Variants in ANKRD36C observed in about 807,000 individuals in gnomAD.
The protein encoded by ANKRD36C is ankyrin repeat domain 36C.
Under a neutral mutation model 276.4 loss-of-function variants are expected in ANKRD36C, and 61 were observed. The ratio of observed to expected loss-of-function variants is 0.22; its 90% CI spans 0.18 to 0.27. The LOEUF is 0.27. Ranked by LOEUF, ANKRD36C falls within the 10% of genes least tolerant of loss-of-function variation. The pLI is 1.00. For synonymous variants in ANKRD36C, 483 were observed against 680.1 expected (o/e 0.71, Z 4.51); for missense variants, 1,447 against 2,032.3 (o/e 0.71, Z 5.54).
intron 60 of ANKRD36C, among the ~76,000 whole-genome samples, chr2:95,862,189 G>A (rs1037875122): frequency 6.6e-6 from 1 of 151,966 alleles, no homozygotes; most frequent in Non-Finnish European, 1.5e-5. Flanking sequence ...AGAACAAGAA[G>A]GCAGAAAATC....
chr2:95,923,541 A>G (rs1433208227), exon 32 of ANKRD36C: 1 of 1,610,972 alleles, frequency 6.2e-7, no homozygotes, highest in Non-Finnish European at 8.5e-7. Context: ...CTATATTCAA[A>G]GCAGAATCTG....
chr2:95,879,292 A>G lies in ANKRD36C; in HGVS notation c.3469+1135T>C, dbSNP rs557047697. Among the ~76,000 whole-genome samples, 73 of 152,286 alleles carry G rather than the reference A, an allele frequency of 4.8e-4. No individual in the cohort carries two copies. The South Asian group carries it at 0.015, about 31-fold the overall frequency. On this transcript the variant is annotated intron_variant, in intron 58 of 66. Transcript: ENST00000456556. ...GATGAAGAGAAAAATCACCATTACC[A>G]CAGTCTAGGAAGGGTGTGGGGGTGG...
chr2:95,860,429 T>C (rs1405133684), intron 60 of ANKRD36C, among the ~76,000 whole-genome samples: 1 of 151,662 alleles, frequency 6.6e-6, no homozygotes, highest in Non-Finnish European at 1.5e-5. Context: ...AAATGAAGGA[T>C]GAAAAAGAAG....
intron 1 of ANKRD36C, among the ~76,000 whole-genome samples, chr2:95,990,910 A>G (rs1255473228): frequency 6.6e-6 from 1 of 152,212 alleles, no homozygotes; most frequent in Non-Finnish European, 1.5e-5. Flanking sequence ...AACGCTGTAC[A>G]TGCTGAATTT....
In ANKRD36C at chr2:95,919,705, A is replaced by G. The variant is rs545571367; in HGVS notation, c.2246-1663T>C. Reference sequence around the variant, plus strand: ...AAGTTCTTTTTTATCTGGATTGAACATGACATTGAATGTGTTTTGCAAATT... The same window carrying G: ...AAGTTCTTTTTTATCTGGATTGAACGTGACATTGAATGTGTTTTGCAAATT... On this transcript the variant is annotated intron_variant, in intron 34 of 66. Transcript: ENST00000456556. 1.2e-4 allele frequency: 102 copies of G among 850,448 alleles called. 23 individuals carry two copies. The highest frequency in any genetic ancestry group is 5.3e-4 in the Middle Eastern group (1 of 1,882). 52.7% of individuals were successfully genotyped at this position (850,448 alleles called of 1,614,324 possible). A position where few individuals can be genotyped will look rare whatever the true frequency, so the allele number is the denominator to read the frequency against.
intron 8 of ANKRD36C, among the ~76,000 whole-genome samples, chr2:95,961,557 G>C (rs1387288774): frequency 1.3e-5 from 2 of 151,984 alleles, no homozygotes; most frequent in South Asian, 2.1e-4. Context: ...ATTCTCTAAA[G>C]TATTTTCATT....
At chr2:95,954,675 T>A (rs529210217) in intron 13 of ANKRD36C, among the ~76,000 whole-genome samples, 1 of 152,166 alleles carries the variant, frequency 6.6e-6, no homozygotes, top group African/African-American at 2.4e-5. Context: ...ATTAAAACAT[T>A]AAAAATTTTA....
chr2:95,947,944 T>C (rs1678097344), intron 17 of ANKRD36C, among the ~76,000 whole-genome samples: 1 of 152,128 alleles, frequency 6.6e-6, no homozygotes, highest in African/African-American at 2.4e-5. Flanking sequence ...CATGATACCA[T>C]GTCTAGTTAA....
intron 19 of ANKRD36C, among the ~76,000 whole-genome samples, chr2:95,944,314 T>C (rs1312572274): frequency 6.6e-6 from 1 of 152,190 alleles, no homozygotes; most frequent in Non-Finnish European, 1.5e-5. Flanking sequence ...TCTACTTCTT[T>C]CCTTCCCTAA....
At chr2:95,918,277 C>T (rs1263700102) in intron 34 of ANKRD36C, among the ~76,000 whole-genome samples, 1 of 151,510 alleles carries the variant, frequency 6.6e-6, no homozygotes, top group Non-Finnish European at 1.5e-5. Flanking sequence ...CGTCATACGT[C>T]GAAAACTAAA....
At chr2:95,910,167 T>G (rs1252878815) in intron 42 of ANKRD36C, among the ~76,000 whole-genome samples, 1 of 151,216 alleles carries the variant, frequency 6.6e-6, no homozygotes, top group Non-Finnish European at 1.5e-5. Context: ...CCAACTTCAA[T>G]GTGGGGAACT....
intron 56 of ANKRD36C, among the ~76,000 whole-genome samples, chr2:95,881,702 C>T (rs927245850): frequency 6.6e-6 from 1 of 151,886 alleles, no homozygotes; most frequent in Non-Finnish European, 1.5e-5. Context: ...TTGGAGCAGC[C>T]AGAAATCAGA....
chr2:95,916,125 A>C lies in ANKRD36C; in HGVS notation c.2376+18T>G, dbSNP rs376191285. The C allele has an allele frequency of 3.7e-6, 6 of 1,603,924 alleles. No individual in the cohort carries two copies. Among genetic ancestry groups the C allele is most frequent in the Non-Finnish European group, 5.1e-6 (6 of 1,177,174 alleles). On this transcript the variant is annotated intron_variant, in intron 37 of 66. Transcript: ENST00000456556. ...CTATACGTTTACTAGCTCACAATAT[A>C]AATGAGAGTTTCATTACCTTCAAGG...
At chr2:95,933,334 T>C (rs1473987751) in intron 24 of ANKRD36C, among the ~76,000 whole-genome samples, 3 of 151,118 alleles carry the variant, frequency 2.0e-5, no homozygotes, top group Admixed American at 6.6e-5. Flanking sequence ...TCAATGGTAG[T>C]CTATAGCATT....
intron 50 of ANKRD36C, 92 bp downstream of exon 70, chr2:95,887,833 G>A: frequency 6.8e-7 from 1 of 1,471,742 alleles, no homozygotes; most frequent in East Asian, 2.5e-5. Flanking sequence ...AGAATGTGCA[G>A]TTTTGATGAG....
At chr2:95,856,262 G>A (rs990445452) in intron 62 of ANKRD36C, 82 bp from the exon 83 acceptor site, 72 of 1,583,818 alleles carry the variant, frequency 4.5e-5, no homozygotes, top group South Asian at 2.5e-4. Context: ...ATAATAACCC[G>A]AACATTTATA....
rs556392568 is a variant in ANKRD36C at position 95,930,468 on chromosome 2, T to C, written c.1736-1201A>G. 2.7e-4 allele frequency among the ~76,000 whole-genome samples: 41 copies of C among 151,828 alleles called. No homozygotes were observed. The South Asian group carries it at 8.3e-3, about 31-fold the overall frequency. On this transcript the variant is annotated intron_variant, in intron 24 of 66. Coordinates refer to ENST00000456556, the Ensembl canonical transcript of ANKRD36C. ...TTTTATTTATACTCATGAAGACTCC[T>C]GATGTTTCTACATTTCCTGGATTCA...
At chr2:95,895,737 A>G in intron 44 of ANKRD36C, 147 bp from the exon 61 acceptor site, 1 of 1,391,568 alleles carries the variant, frequency 7.2e-7, no homozygotes, top group Non-Finnish European at 9.8e-7. Context: ...GGGGACCAGA[A>G]GGTGACAGAA....
chr2:95,895,774 T>G (rs948477337), intron 44 of ANKRD36C, among the ~76,000 whole-genome samples, 184 bp from the exon 61 acceptor site: 2 of 151,030 alleles, frequency 1.3e-5, no homozygotes, highest in Admixed American at 1.3e-4. Context: ...GAACACAGGC[T>G]CCATGAAATA....
Sources: gnomAD v4.1 joint callset for allele counts (sites outside exome capture counted in the v4.1 genomes callset) on GRCh38, gnomAD v4.1.1 for gene constraint, MANE v1.5 for transcripts, NCBI Gene and HGNC (gene_info 2026-07-23, HGNC 2026-07-21) for gene names.